KCNQ1: variants seen among roughly 807,000 people sequenced by gnomAD.
KCNQ1 encodes potassium voltage-gated channel subfamily KQT member 1.
A neutral mutation model predicts 72.4 loss-of-function variants in KCNQ1; 49 were observed. The observed-to-expected ratio is 0.68, with a 90% confidence interval of 0.54 to 0.86. KCNQ1 has a LOEUF of 0.86. KCNQ1 is among the 40% of genes least tolerant of loss of function. The pLI is 0.00. For synonymous variants in KCNQ1, 450 were observed against 412.6 expected (o/e 1.09, Z -1.10); for missense variants, 790 against 945.1 (o/e 0.84, Z 2.15).
chr11:2,461,902 T>A (rs1316409686), intron 1 of KCNQ1: 1 of 436,830 alleles, frequency 2.3e-6, no homozygotes. Context: ...GGATGGGGCA[T>A]GCTGCTTCCA....
rs1027006499 is a variant in KCNQ1 at position 2,550,834 on chromosome 11, G to A, written c.478-19794G>A. On this transcript the variant is annotated intron_variant, in intron 2 of 15. Coordinates refer to ENST00000155840, the MANE Select transcript of KCNQ1 (RefSeq NM_000218.3). The surrounding 1 kb of genome is among the most constrained non-coding windows in gnomAD (Gnocchi z 6.0). Reference sequence around the variant, plus strand: ...GGCTTCACCTAGCACCTGGCTCCCCGGGGGCCCAGATGGCAGGCGAGGGGT... The same window carrying A: ...GGCTTCACCTAGCACCTGGCTCCCCAGGGGCCCAGATGGCAGGCGAGGGGT... Among the ~76,000 whole-genome samples, 1 of 152,024 alleles carries A rather than the reference G, an allele frequency of 6.6e-6. No homozygotes were observed. The highest frequency in any genetic ancestry group is 1.5e-5 in the Non-Finnish European group (1 of 68,000).
At chr11:2,514,673 A>C (rs1260742787) in intron 1 of KCNQ1, among the ~76,000 whole-genome samples, 1 of 152,172 alleles carries the variant, frequency 6.6e-6, no homozygotes, top group Non-Finnish European at 1.5e-5. Flanking sequence ...AAAAATACAA[A>C]AAATTAGCCC....
chr11:2,708,554 G>A (rs371703588), intron 11 of KCNQ1, among the ~76,000 whole-genome samples: 9 of 152,160 alleles, frequency 5.9e-5, no homozygotes, highest in East Asian at 1.9e-4. Context: ...GGGTCGGTGC[G>A]GAGACCCCTG....
intron 11 of KCNQ1, among the ~76,000 whole-genome samples, chr11:2,742,528 T>TC (rs1463787593): frequency 6.6e-6 from 1 of 151,668 alleles, no homozygotes; most frequent in Non-Finnish European, 1.5e-5. Context: ...GGCCCTGGGC[T>TC]CCCCCCGGCC....
rs539326292 is a variant in KCNQ1, at chr11:2,536,360, C to T, written c.477+8342C>T. Among the ~76,000 whole-genome samples the T allele has an allele frequency of 7.5e-4, 114 of 152,276 alleles. No homozygotes were observed. The highest frequency in any genetic ancestry group is 2.6e-3 in the African/African-American group (106 of 41,564). The stretch of plus-strand genomic sequence containing the variant: ...CTCTCGTGCACCATTGCTCAACCCC[C>T]GAGAGTTATGGAAGGAAGGGAGGCT... On this transcript the variant is annotated intron_variant, in intron 2 of 15. Coordinates refer to ENST00000155840, the MANE Select transcript of KCNQ1 (RefSeq NM_000218.3). The surrounding 1 kb of genome is among the most constrained non-coding windows in gnomAD (Gnocchi z 7.4).
rs546897048 is a variant in KCNQ1 at position 2,848,106 on chromosome 11, G to C, written c.*103G>C. ...GGCCACCTCCTAAAAGGCCCAGAGA[G>C]AAGAGCCCCACTCTCAGAGGCCCCA... is the stretch of plus-strand genomic sequence containing the variant. On this transcript the variant is annotated 3_prime_UTR_variant, in exon 16 of 16. Coordinates refer to ENST00000155840, the MANE Select transcript of KCNQ1 (RefSeq NM_000218.3). 17 of 974,282 alleles carry C rather than the reference G, an allele frequency of 1.7e-5. No homozygotes were observed. The South Asian group carries it at 2.3e-4, about 13-fold the overall frequency. 60.4% of individuals were successfully genotyped at this position (974,282 alleles called of 1,614,324 possible). A position where few individuals can be genotyped will look rare whatever the true frequency, so the allele number is the denominator to read the frequency against.
intron 6 of KCNQ1, among the ~76,000 whole-genome samples, chr11:2,575,227 G>A (rs1419204421): frequency 6.6e-6 from 1 of 152,194 alleles, no homozygotes; most frequent in Non-Finnish European, 1.5e-5. Flanking sequence ...TCCGCCCGCT[G>A]GCCGGGAACA....
chr11:2,677,827 C>T lies in KCNQ1; in HGVS notation c.1514+15746C>T, dbSNP rs564239017. 1 of 398,486 alleles carries T rather than the reference C, an allele frequency of 2.5e-6. No homozygotes were observed. Among genetic ancestry groups the T allele is most frequent in the African/African-American group, 2.1e-5 (1 of 48,730 alleles). 24.7% of individuals were successfully genotyped at this position (398,486 alleles called of 1,614,324 possible). A position where few individuals can be genotyped will look rare whatever the true frequency, so the allele number is the denominator to read the frequency against. On this transcript the variant is annotated intron_variant, in intron 11 of 15. Transcript: ENST00000155840. The surrounding 1 kb of genome is among the most constrained non-coding windows in gnomAD (Gnocchi z 4.5). The stretch of plus-strand genomic sequence containing the variant: ...ATGTTCATTTATGTTGTGATAGATA[C>T]TGCCAAATAAGGGCTGTACCATTTA...
chr11:2,654,072 T>C lies in KCNQ1; in HGVS notation c.1394-7889T>C, dbSNP rs898416879. 2.3e-5 allele frequency: 9 copies of C among 398,620 alleles called. No homozygotes were observed. Among genetic ancestry groups the C allele is most frequent in the African/African-American group, 1.9e-4 (9 of 48,640 alleles). The allele number at this position is 398,620 out of a possible 1,614,324, so 24.7% of individuals were successfully genotyped here. A position where few individuals can be genotyped will look rare whatever the true frequency, so the allele number is the denominator to read the frequency against. On this transcript the variant is annotated intron_variant, in intron 10 of 15. Coordinates refer to ENST00000155840, the MANE Select transcript of KCNQ1 (RefSeq NM_000218.3). The surrounding 1 kb of genome is among the most constrained non-coding windows in gnomAD (Gnocchi z 6.4). ...CTGTTGTGGGAATGGCTTTTACACT[T>C]TCCATCCATGTCCCTTACTTCTCGC...
At chr11:2,630,415 G>A (rs1849334235) in intron 10 of KCNQ1, 1 of 398,098 alleles carries the variant, frequency 2.5e-6, no homozygotes, top group African/African-American at 2.1e-5. Context: ...TGAGGGCAAT[G>A]CTAGCCTTGT....
At chr11:2,819,394 C>T (rs942558012) in intron 15 of KCNQ1, among the ~76,000 whole-genome samples, 7 of 152,190 alleles carry the variant, frequency 4.6e-5, no homozygotes, top group Admixed American at 3.3e-4. Context: ...ACATCCAACA[C>T]GTGTCAGCCC....
intron 11 of KCNQ1, among the ~76,000 whole-genome samples, chr11:2,743,774 A>T (rs1846095850): frequency 6.6e-6 from 1 of 152,212 alleles, no homozygotes. Context: ...GCCTAAAAGG[A>T]GTTGCCCCCA....
At position 2,703,535 on chromosome 11, in the gene KCNQ1, A is replaced by C. The variant is rs1850855881; in HGVS notation, c.1514+41454A>C. Among the ~76,000 whole-genome samples the C allele has an allele frequency of 2.0e-5, 3 of 152,158 alleles. No individual in the cohort carries two copies. ...CACAGCTGAAGAGAATTAGGCTCAAAACGTCCACTCGGCTTTTCTCTTGAT... is the reference window on the plus strand; with the variant it reads ...CACAGCTGAAGAGAATTAGGCTCAACACGTCCACTCGGCTTTTCTCTTGAT... On this transcript the variant is annotated intron_variant, in intron 11 of 15. Coordinates refer to ENST00000155840, the MANE Select transcript of KCNQ1 (RefSeq NM_000218.3). This position sits in a 1 kb window ranked among gnomAD's most constrained non-coding sequence, Gnocchi z 6.4.
At chr11:2,740,422 A>C (rs1001034555) in intron 11 of KCNQ1, among the ~76,000 whole-genome samples, 19 of 152,228 alleles carry the variant, frequency 1.2e-4, no homozygotes, top group Non-Finnish European at 2.6e-4. Context: ...CAGGTGTTCA[A>C]AGATATGGAA....
At chr11:2,829,609 A>C (rs1847902370) in intron 15 of KCNQ1, among the ~76,000 whole-genome samples, 1 of 152,182 alleles carries the variant, frequency 6.6e-6, no homozygotes, top group African/African-American at 2.4e-5. Context: ...TTGGAAAGAT[A>C]AGGGAGTGGG....
rs1049680793 is a variant in KCNQ1 at position 2,711,367 on chromosome 11, C to T, written c.1514+49286C>T. 3.3e-5 allele frequency among the ~76,000 whole-genome samples: 5 copies of T among 152,200 alleles called. No individual in the cohort carries two copies. The highest frequency in any genetic ancestry group is 5.9e-5 in the Non-Finnish European group (4 of 68,038). On this transcript the variant is annotated intron_variant, in intron 11 of 15. Coordinates refer to ENST00000155840, the MANE Select transcript of KCNQ1 (RefSeq NM_000218.3). This position sits in a 1 kb window ranked among gnomAD's most constrained non-coding sequence, Gnocchi z 5.4. ...TGCTTCTTTGTGGTCTCCTGTCTTG[C>T]GCACTAATTGTTGCCCAAGTCTTTG... is the stretch of plus-strand genomic sequence containing the variant.
At chr11:2,755,354 G>T (rs1051386343) in intron 11 of KCNQ1, among the ~76,000 whole-genome samples, 1 of 152,146 alleles carries the variant, frequency 6.6e-6, no homozygotes, top group Non-Finnish European at 1.5e-5. Flanking sequence ...TGGCTCAAAC[G>T]ATTCTTCCAC....
chr11:2,654,609 A>G lies in KCNQ1; in HGVS notation c.1394-7352A>G, dbSNP rs1198342170. 2.5e-6 allele frequency: 1 copy of G among 398,734 alleles called. No homozygotes were observed. Among genetic ancestry groups the G allele is most frequent in the South Asian group, 1.3e-4 (1 of 7,864 alleles). The allele number at this position is 398,734 out of a possible 1,614,324, so 24.7% of individuals were successfully genotyped here. Reference sequence around the variant, plus strand: ...GGGCAGGGGGTGAGTGGTTGGGTGAAGTTACTAGGAAGGGCCCAGACACTG... The same window carrying G: ...GGGCAGGGGGTGAGTGGTTGGGTGAGGTTACTAGGAAGGGCCCAGACACTG... On this transcript the variant is annotated intron_variant, in intron 10 of 15. Coordinates refer to ENST00000155840, the MANE Select transcript of KCNQ1 (RefSeq NM_000218.3). This position sits in a 1 kb window ranked among gnomAD's most constrained non-coding sequence, Gnocchi z 6.4.
chr11:2,541,256 C>G lies in KCNQ1; in HGVS notation c.477+13238C>G, dbSNP rs1847818368. The stretch of plus-strand genomic sequence containing the variant: ...TGTGCCGAGAGGCGCAGGCCAGCCC[C>G]TTTTCCTGGCGGGGTGATGATCTGG... On this transcript the variant is annotated intron_variant, in intron 2 of 15. Transcript: ENST00000155840. The surrounding 1 kb of genome is among the most constrained non-coding windows in gnomAD (Gnocchi z 4.8). Among the ~76,000 whole-genome samples, 2 of 152,250 alleles carry G rather than the reference C, an allele frequency of 1.3e-5. No individual in the cohort carries two copies. Among genetic ancestry groups the G allele is most frequent in the South Asian group, 4.1e-4 (2 of 4,838 alleles).
Sources: allele counts gnomAD v4.1 joint callset (sites outside exome capture counted in the v4.1 genomes callset), GRCh38; gene constraint gnomAD v4.1.1; non-coding constraint Gnocchi (gnomAD v3.1); transcripts MANE v1.5; gene names NCBI Gene and HGNC (gene_info 2026-07-23, HGNC 2026-07-21).